The following USP9Y variants were observed in gnomAD, a reference collection of about 807,000 sequenced individuals.
The protein encoded by USP9Y is ubiquitin carboxyl-terminal hydrolase 9Y.
Under a neutral mutation model 53.1 loss-of-function variants are expected in USP9Y, and 41 were observed. That is an observed-to-expected ratio of 0.77 (90% CI 0.60 to 1.00). USP9Y has a LOEUF of 1.00. Among genes scored for constraint, USP9Y ranks in the 50% least tolerant of loss-of-function variants. The pLI is 0.00. For synonymous variants in USP9Y, 220 were observed against 173.7 expected, an observed-to-expected ratio of 1.27 and a Z score of -2.09; for missense variants, 567 against 535.8, an observed-to-expected ratio of 1.06 and a Z score of -0.58.
chrY:12,858,333 CT>C (rs2053579731), intron 45 of USP9Y, among the ~76,000 whole-genome samples: 2 of 29,351 alleles, frequency 6.8e-5, no homozygotes, highest in East Asian at 8.9e-4. Flanking sequence ...AAGAATTGGC[CT>C]TTTTTTTTTC....
chrY:12,788,054 C>T, intron 24 of USP9Y, among the ~76,000 whole-genome samples: 1 of 33,496 alleles, frequency 3.0e-5, no homozygotes, highest in Non-Finnish European at 7.4e-5. Context: ...AATTGGAAAA[C>T]GCAAAGAAAA....
intron 1 of USP9Y, among the ~76,000 whole-genome samples, chrY:12,704,594 G>A: frequency 3.0e-5 from 1 of 33,635 alleles, no homozygotes; most frequent in Non-Finnish European, 7.4e-5. Context: ...AGATGTTTGT[G>A]TAATTCTTCA....
intron 33 of USP9Y, among the ~76,000 whole-genome samples, chrY:12,828,827 A>G (rs2053548785): frequency 3.1e-5 from 1 of 32,784 alleles, no homozygotes; most frequent in African/African-American, 1.2e-4. Flanking sequence ...GTGTGTTGTT[A>G]TAATTTATCG....
At chrY:12,754,153 T>C in intron 12 of USP9Y, among the ~76,000 whole-genome samples, 1 of 30,661 alleles carries the variant, frequency 3.3e-5, no homozygotes, top group Non-Finnish European at 7.7e-5. Flanking sequence ...CCTATATATA[T>C]ACATATATAC....
At chrY:12,856,008 T>A in intron 42 of USP9Y, among the ~76,000 whole-genome samples, 1 of 32,255 alleles carries the variant, frequency 3.1e-5, no homozygotes, top group Non-Finnish European at 7.6e-5. Flanking sequence ...TTATGTGGCA[T>A]CATTGTCCTT....
chrY:12,778,879 T>G, intron 21 of USP9Y, 124 bp downstream of exon 21: 1 of 174,574 alleles, frequency 5.7e-6, no homozygotes, highest in African/African-American at 8.6e-5. Flanking sequence ...AACTGTTAAC[T>G]TCTGAGTGAA....
At chrY:12,736,659 T>C (rs2053452178) in intron 10 of USP9Y, 110 bp downstream of exon 10, 1 of 180,977 alleles carries the variant, frequency 5.5e-6, no homozygotes, top group Non-Finnish European at 8.9e-6. Flanking sequence ...GAAAGATTTA[T>C]GACTAATTGT....
intron 25 of USP9Y, 123 bp from the exon 26 acceptor site, chrY:12,791,376 G>T: frequency 4.4e-6 from 1 of 228,895 alleles, no homozygotes; most frequent in South Asian, 4.2e-5. Context: ...TTAAAGGCAG[G>T]TCTGATGCAT....
chrY:12,725,144 T>A lies in USP9Y; in HGVS notation c.357T>A (p.Arg119=), dbSNP rs746108357. 7.6e-6 allele frequency: 3 copies of A among 397,189 alleles called. No homozygotes were observed. In the South Asian group the frequency reaches 8.9e-5, roughly 12 times the overall value. The change falls in exon 6 of 46, where the codon CGT becomes CGA. Residue 119 remains arginine (R), a synonymous_variant. Transcript: ENST00000338981. ...ATGTTAAAAGTGAAGCATGCCAACG[T>A]TTTTTTCGAGATGGACTAACAATAT... ...GLDVKSEACQ[R]FFRDGLTISF...
rs745931370 is a variant in USP9Y at position 12,774,834 on chromosome Y, T to C, written c.2332-637T>C. 8.9e-5 allele frequency among the ~76,000 whole-genome samples: 3 copies of C among 33,650 alleles called. No homozygotes were observed. In the East Asian group the frequency reaches 2.3e-3, roughly 25 times the overall value. The allele number at this position is 33,650 out of a possible 37,273, so 90.3% of individuals were successfully genotyped here. ...TTATTTACTTATTCTCTGGACAAACTTTATGTAAACTGAGAAGTTGCTACG... is the reference window on the plus strand; with the variant it reads ...TTATTTACTTATTCTCTGGACAAACCTTATGTAAACTGAGAAGTTGCTACG... On this transcript the variant is annotated intron_variant, in intron 17 of 45. Coordinates refer to ENST00000338981, the MANE Select transcript of USP9Y (RefSeq NM_004654.4).
At chrY:12,828,977 G>GA (rs2053548910) in intron 33 of USP9Y, among the ~76,000 whole-genome samples, 2 of 32,539 alleles carry the variant, frequency 6.1e-5, no homozygotes, top group Non-Finnish European at 7.6e-5. Flanking sequence ...AAAATTGATA[G>GA]AAAAAAACTC....
chrY:12,820,412 A>T (rs889167569), intron 33 of USP9Y, among the ~76,000 whole-genome samples: 1 of 33,490 alleles, frequency 3.0e-5, no homozygotes, highest in Admixed American at 2.8e-4. Context: ...CCACCCTTAT[A>T]TGTATTAGCA....
intron 22 of USP9Y, among the ~76,000 whole-genome samples, chrY:12,781,376 T>C (rs2053498355): frequency 5.9e-5 from 2 of 33,770 alleles, no homozygotes; most frequent in Admixed American, 2.7e-4. Context: ...TGAAGGGTCT[T>C]GCTTCAACAT....
At chrY:12,798,951 C>T (rs2148287805) in intron 27 of USP9Y, among the ~76,000 whole-genome samples, 6 of 27,689 alleles carry the variant, frequency 2.2e-4, no homozygotes, top group African/African-American at 8.8e-4. Flanking sequence ...TCACTGCAAC[C>T]TCCACCTCTC....
intron 22 of USP9Y, among the ~76,000 whole-genome samples, chrY:12,781,177 C>T: frequency 1.8e-4 from 6 of 32,968 alleles, no homozygotes; most frequent in Non-Finnish European, 3.0e-4. Flanking sequence ...TATCCCGGTG[C>T]GCATAAAAGT....
At chrY:12,810,618 A>G in intron 28 of USP9Y, 54 bp from the exon 29 acceptor site, 1 of 362,277 alleles carries the variant, frequency 2.8e-6, no homozygotes, top group Non-Finnish European at 3.9e-6. Flanking sequence ...AAAAAATTAT[A>G]TGGACTCTGA....
At chrY:12,830,063 G>A (rs375071500) in intron 33 of USP9Y, among the ~76,000 whole-genome samples, 355 of 33,822 alleles carry the variant, frequency 0.01, no homozygotes, top group Middle Eastern at 0.027. Flanking sequence ...ATTTATAGCA[G>A]CTTTATCAGC....
At chrY:12,831,890 A>G (rs2053551196) in intron 33 of USP9Y, among the ~76,000 whole-genome samples, 1 of 34,079 alleles carries the variant, frequency 2.9e-5, no homozygotes, top group Admixed American at 2.7e-4. Context: ...TTCACAGTTG[A>G]TAAATGTAAA....
chrY:12,771,817 C>T (rs2053486221), intron 16 of USP9Y, among the ~76,000 whole-genome samples: 1 of 31,690 alleles, frequency 3.2e-5, no homozygotes, highest in Non-Finnish European at 7.7e-5. Context: ...TTACGGTCTG[C>T]CAGATAGATC....
Sources: allele counts gnomAD v4.1 joint callset (sites outside exome capture counted in the v4.1 genomes callset), GRCh38; gene constraint gnomAD v4.1.1; transcripts MANE v1.5; gene names NCBI Gene and HGNC (gene_info 2026-07-23, HGNC 2026-07-21).